Variants in MYO10 observed in about 807,000 individuals in gnomAD.
The protein encoded by MYO10 is myosin X.
MYO10 carries 133 observed loss-of-function variants against 257.3 expected under a neutral mutation model. The ratio of observed to expected loss-of-function variants is 0.52; its 90% CI spans 0.45 to 0.60. The LOEUF (loss-of-function observed/expected upper bound fraction) is 0.60. Among genes scored for constraint, MYO10 ranks in the 20% least tolerant of loss-of-function variants. The pLI is 0.00. For missense variants in MYO10, 2,399 were observed against 2,635.7 expected, an observed-to-expected ratio of 0.91 and a Z score of 1.97; for synonymous variants, 1,104 against 1,028.6, an observed-to-expected ratio of 1.07 and a Z score of -1.40.
chr5:16,858,441 TA>T lies in MYO10; in HGVS notation c.120+19167del, dbSNP rs56792705. On this transcript the variant is annotated intron_variant, in intron 2 of 40. Coordinates refer to ENST00000513610, the MANE Select transcript of MYO10 (RefSeq NM_012334.3). ...TCAAAAAAGCTAGATGCTACTTTTG[TA>T]AAAAAAAAAAAAAAAATCGAGGTTT... 9.6e-3 allele frequency among the ~76,000 whole-genome samples: 1,295 copies of T among 135,158 alleles called. 3 individuals carry two copies. The highest frequency in any genetic ancestry group is 0.012 in the African/African-American group (450 of 37,688). 88.7% of individuals were successfully genotyped at this position (135,158 alleles called of 152,430 possible).
At chr5:16,742,732 A>G (rs1197335755) in intron 19 of MYO10, among the ~76,000 whole-genome samples, 1 of 151,844 alleles carries the variant, frequency 6.6e-6, no homozygotes, top group Non-Finnish European at 1.5e-5. Flanking sequence ...AATTGCTTGA[A>G]AACAGGAAGC....
chr5:16,753,021 A>G (rs1032517260), intron 19 of MYO10, among the ~76,000 whole-genome samples: 1 of 152,220 alleles, frequency 6.6e-6, no homozygotes, highest in African/African-American at 2.4e-5. Flanking sequence ...TTGTCACTTC[A>G]GGTCACACAA....
chr5:16,705,823 C>T (rs1207853051), intron 21 of MYO10, among the ~76,000 whole-genome samples: 3 of 152,114 alleles, frequency 2.0e-5, no homozygotes, highest in Non-Finnish European at 4.4e-5. Flanking sequence ...AAATCATTCT[C>T]CTAGGAAAGC....
chr5:16,749,811 C>T (rs1740329943), intron 19 of MYO10, among the ~76,000 whole-genome samples: 1 of 152,208 alleles, frequency 6.6e-6, no homozygotes, highest in Non-Finnish European at 1.5e-5. Flanking sequence ...GTTCTCAAAC[C>T]CCAGAAGGTG....
intron 2 of MYO10, among the ~76,000 whole-genome samples, chr5:16,837,153 A>G (rs1317420703): frequency 6.6e-6 from 1 of 152,146 alleles, no homozygotes; most frequent in South Asian, 2.1e-4. Context: ...TCTACTAAAA[A>G]TACAAAATTA....
chr5:16,710,849 A>G (rs1738565507), intron 21 of MYO10, 59 bp downstream of exon 21: 5 of 1,429,652 alleles, frequency 3.5e-6, no homozygotes, highest in Non-Finnish European at 4.9e-6. Context: ...AAACCCTGTG[A>G]GCATCACCCC....
At chr5:16,785,546 C>G (rs1048378196) in intron 4 of MYO10, among the ~76,000 whole-genome samples, 1 of 152,152 alleles carries the variant, frequency 6.6e-6, no homozygotes, top group South Asian at 2.1e-4. Context: ...ACACAGAAGC[C>G]GAAAACATTT....
chr5:16,779,596 T>A lies in MYO10; in HGVS notation c.879A>T (p.Gly293=). ...PENYHYLNQS[G]CVEDKTISDQ... is the part of the protein sequence containing the mutation. ...CACTGATTGTCTTGTCTTCTACACA[T>A]CCAGACTGATTCAAGTAGTGGTAGT... Residue 293 remains glycine, a synonymous_variant, in exon 9 of 41, where the codon GGA becomes GGT. Coordinates refer to ENST00000513610, the MANE Select transcript of MYO10 (RefSeq NM_012334.3). 6.2e-7 allele frequency: 1 copy of A among 1,603,036 alleles called. No homozygotes were observed. Among genetic ancestry groups the A allele is most frequent in the Non-Finnish European group, 8.5e-7 (1 of 1,177,140 alleles).
chr5:16,726,775 G>C (rs1739382731), intron 19 of MYO10, among the ~76,000 whole-genome samples: 1 of 152,156 alleles, frequency 6.6e-6, no homozygotes, highest in African/African-American at 2.4e-5. Context: ...ATCAACTTCT[G>C]AGCATTAAAA....
chr5:16,847,260 T>C (rs997121634), intron 2 of MYO10, among the ~76,000 whole-genome samples: 1 of 151,706 alleles, frequency 6.6e-6, no homozygotes, highest in Non-Finnish European at 1.5e-5. Context: ...CCCGTCTCTA[T>C]TAAAATACAA....
intron 2 of MYO10, among the ~76,000 whole-genome samples, chr5:16,828,053 T>C (rs1420777013): frequency 1.3e-5 from 2 of 152,134 alleles, no homozygotes; most frequent in African/African-American, 2.4e-5. Flanking sequence ...ACTTCCTTAC[T>C]GGCTATGAGT....
chr5:16,718,079 G>C (rs1442187069), intron 19 of MYO10, among the ~76,000 whole-genome samples: 9 of 152,228 alleles, frequency 5.9e-5, no homozygotes. Flanking sequence ...CCGGGCAATG[G>C]GGGACTTAGC....
At chr5:16,769,328 A>G in intron 9 of MYO10, 125 bp from the exon 10 acceptor site, 8 of 1,051,006 alleles carry the variant, frequency 7.6e-6, no homozygotes, top group Non-Finnish European at 9.1e-6. Context: ...AAATAGATGC[A>G]TAACCACTCA....
chr5:16,753,951 T>C (rs1272973558), intron 19 of MYO10, among the ~76,000 whole-genome samples: 1 of 152,200 alleles, frequency 6.6e-6, no homozygotes, highest in Non-Finnish European at 1.5e-5. Flanking sequence ...TTAAACCTTA[T>C]GAGGATGGCA....
At chr5:16,830,181 A>G (rs1455267484) in intron 2 of MYO10, among the ~76,000 whole-genome samples, 1 of 151,856 alleles carries the variant, frequency 6.6e-6, no homozygotes, top group Non-Finnish European at 1.5e-5. Flanking sequence ...GGTTGCAGTG[A>G]GCTGAGATTG....
rs564294817 is a variant in MYO10 at position 16,836,669 on chromosome 5, A to G, written c.121-18502T>C. Among the ~76,000 whole-genome samples the G allele has an allele frequency of 1.6e-4, 25 of 152,296 alleles. No homozygotes were observed. The South Asian group carries it at 4.6e-3, about 28-fold the overall frequency. ...GAGATTTGGATCAGGATTTTTTTAA[A>G]ACTTAAAATTGTTCTCTGCTCACTT... On this transcript the variant is annotated intron_variant, in intron 2 of 40. Coordinates refer to ENST00000513610, the MANE Select transcript of MYO10 (RefSeq NM_012334.3).
chr5:16,806,708 G>A (rs1321084030), intron 3 of MYO10, among the ~76,000 whole-genome samples: 1 of 151,790 alleles, frequency 6.6e-6, no homozygotes, highest in African/African-American at 2.4e-5. Context: ...GCCTCATACA[G>A]GATGCTTATA....
At chr5:16,693,683 C>A (rs928850884) in intron 27 of MYO10, among the ~76,000 whole-genome samples, 25 of 152,206 alleles carry the variant, frequency 1.6e-4, no homozygotes, top group Non-Finnish European at 1.0e-4. Flanking sequence ...TGGAGTACGG[C>A]TACAGGTTAT....
intron 30 of MYO10, among the ~76,000 whole-genome samples, chr5:16,682,330 T>C (rs936651356): frequency 3.9e-5 from 6 of 152,326 alleles, no homozygotes; most frequent in South Asian, 2.1e-4. Flanking sequence ...AAATTTTTTT[T>C]TGATGCCTCT....
Sources: gnomAD v4.1 joint callset for allele counts (sites outside exome capture counted in the v4.1 genomes callset) on GRCh38, gnomAD v4.1.1 for gene constraint, MANE v1.5 for transcripts, NCBI Gene and HGNC (gene_info 2026-07-23, HGNC 2026-07-21) for gene names.